The following SLX4IP variants were observed in gnomAD, a reference collection of about 807,000 sequenced individuals.
SLX4IP encodes SLX4 interacting protein, also known as protein SLX4IP.
In SLX4IP, 34 loss-of-function variants were observed where a neutral mutation model predicts 32.9. That is an observed-to-expected ratio of 1.03 (90% CI 0.79 to 1.38). The LOEUF is 1.38. SLX4IP is among the 40% of genes most tolerant of loss of function. The pLI is 0.00. For missense variants in SLX4IP, 444 were observed against 479.0 expected (o/e 0.93, Z 0.68); for synonymous variants, 172 against 171.7 (o/e 1.00, Z -0.01).
chr20:10,530,812 A>AC (rs2065982496), intron 2 of SLX4IP, among the ~76,000 whole-genome samples: 1 of 152,214 alleles, frequency 6.6e-6, no homozygotes, highest in Admixed American at 6.6e-5. Context: ...AGAAAAAAAA[A>AC]ATTACCAAGA....
At chr20:10,557,632 A>G (rs1313742717) in intron 3 of SLX4IP, among the ~76,000 whole-genome samples, 3 of 152,234 alleles carry the variant, frequency 2.0e-5, no homozygotes, top group African/African-American at 7.2e-5. Context: ...CTTGACTTAA[A>G]TTAACAATGT....
intron 2 of SLX4IP, among the ~76,000 whole-genome samples, chr20:10,506,835 G>A (rs1286688815): frequency 1.3e-5 from 2 of 152,178 alleles, no homozygotes; most frequent in East Asian, 3.8e-4. Flanking sequence ...CAGGGGGTGT[G>A]GGAACGGACA....
intron 6 of SLX4IP, among the ~76,000 whole-genome samples, chr20:10,610,450 T>C (rs1221502205): frequency 1.3e-5 from 2 of 152,254 alleles, no homozygotes; most frequent in Non-Finnish European, 2.9e-5. Context: ...AGTGAAGTCC[T>C]CAGAGGACGG....
chr20:10,614,242 T>A, intron 6 of SLX4IP: 1 of 617,384 alleles, frequency 1.6e-6, no homozygotes, highest in Non-Finnish European at 2.9e-6. Flanking sequence ...TACATAACCA[T>A]GAGAAAACAG....
chr20:10,550,071 G>A (rs2066202968), intron 2 of SLX4IP, among the ~76,000 whole-genome samples: 1 of 152,144 alleles, frequency 6.6e-6, no homozygotes, highest in Non-Finnish European at 1.5e-5. Flanking sequence ...TCCTCAGCAT[G>A]AATTCCTTCT....
intron 2 of SLX4IP, among the ~76,000 whole-genome samples, chr20:10,477,566 C>T (rs1005414730): frequency 3.9e-5 from 6 of 152,048 alleles, no homozygotes; most frequent in African/African-American, 1.4e-4. Context: ...CGTGCCCGGC[C>T]GAAGGGAATT....
chr20:10,618,101 A>G (rs1475780950), intron 6 of SLX4IP, among the ~76,000 whole-genome samples: 1 of 152,192 alleles, frequency 6.6e-6, no homozygotes, highest in Non-Finnish European at 1.5e-5. Context: ...GAATAGGGTA[A>G]TATCACCCAT....
At chr20:10,549,669 G>C (rs1040299413) in intron 2 of SLX4IP, among the ~76,000 whole-genome samples, 5 of 152,176 alleles carry the variant, frequency 3.3e-5, no homozygotes, top group African/African-American at 1.2e-4. Context: ...ATCTGGATTT[G>C]ATTCCTGGGT....
chr20:10,550,874 G>A (rs747404334), intron 2 of SLX4IP, among the ~76,000 whole-genome samples: 7 of 152,096 alleles, frequency 4.6e-5, no homozygotes, highest in South Asian at 2.1e-4. Context: ...CTGTCACTCC[G>A]CTCCCTCTGG....
intron 1 of SLX4IP, among the ~76,000 whole-genome samples, chr20:10,457,650 T>C (rs1336536151): frequency 2.0e-5 from 3 of 152,114 alleles, no homozygotes; most frequent in African/African-American, 2.4e-5. Context: ...ATAAGGGACA[T>C]TGATGTGTGG....
intron 2 of SLX4IP, among the ~76,000 whole-genome samples, chr20:10,497,574 T>G (rs1448499212): frequency 6.6e-6 from 1 of 152,120 alleles, no homozygotes; most frequent in East Asian, 1.9e-4. Flanking sequence ...TTACTTGTGT[T>G]TATCATTTTT....
intron 2 of SLX4IP, among the ~76,000 whole-genome samples, chr20:10,490,985 C>T (rs1021647604): frequency 1.3e-5 from 2 of 151,950 alleles, no homozygotes; most frequent in Non-Finnish European, 2.9e-5. Context: ...CTTGTAATTC[C>T]ACCCCTCTCT....
In SLX4IP at chr20:10,525,197, A is replaced by G. The variant is rs191164377; in HGVS notation, c.28-31034A>G. On this transcript the variant is annotated intron_variant, in intron 2 of 7. Transcript: ENST00000334534. ...ATCATTTTTATGTGTATATCATTTA[A>G]AACATGAAATAGCAGTACCACAAGG... Among the ~76,000 whole-genome samples the G allele has an allele frequency of 1.4e-3, 214 of 152,298 alleles. 1 individual carries two copies. The highest frequency in any genetic ancestry group is 4.4e-3 in the African/African-American group (183 of 41,574).
chr20:10,571,221 C>T (rs569533180), intron 4 of SLX4IP, among the ~76,000 whole-genome samples: 711 of 152,266 alleles, frequency 4.7e-3, no homozygotes, highest in Middle Eastern at 0.017. Context: ...GGGCACCGAG[C>T]AGTCTGGCTG....
chr20:10,456,052 A>G (rs6077803), intron 1 of SLX4IP, among the ~76,000 whole-genome samples: 74,955 of 152,072 alleles, frequency 0.49, 19,964 homozygotes, highest in Non-Finnish European at 0.6. Flanking sequence ...TCACATGACA[A>G]TCTGTAGTCA....
intron 2 of SLX4IP, among the ~76,000 whole-genome samples, chr20:10,538,713 G>A (rs529793315): frequency 5.3e-5 from 8 of 152,198 alleles, no homozygotes; most frequent in Middle Eastern, 3.4e-3. Context: ...TTTTAATAGA[G>A]ATGTGGTTTC....
At chr20:10,579,743 T>C (rs141499277) in intron 4 of SLX4IP, among the ~76,000 whole-genome samples, 8 of 152,318 alleles carry the variant, frequency 5.3e-5, no homozygotes, top group Admixed American at 3.9e-4. Flanking sequence ...TGTTTCTACA[T>C]GTGTTTCCAT....
intron 6 of SLX4IP, among the ~76,000 whole-genome samples, chr20:10,615,417 G>GCT (rs2067014452): frequency 6.6e-6 from 1 of 152,058 alleles, no homozygotes; most frequent in African/African-American, 2.4e-5. Context: ...CCTCACTGAT[G>GCT]CTTCCCTCAT....
chr20:10,601,870 T>TA (rs768267404), intron 6 of SLX4IP, 51 bp downstream of exon 6: 1 of 1,500,880 alleles, frequency 6.7e-7, no homozygotes, highest in Non-Finnish European at 9.2e-7. Context: ...AATGCTGAGT[T>TA]ACTGTAAAAA....
Sources: gnomAD v4.1 joint callset for allele counts (sites outside exome capture counted in the v4.1 genomes callset) on GRCh38, gnomAD v4.1.1 for gene constraint, MANE v1.5 for transcripts, NCBI Gene and HGNC (gene_info 2026-07-23, HGNC 2026-07-21) for gene names.